Variants in SLC22A15 observed in about 807,000 individuals in gnomAD.
The protein encoded by SLC22A15 is flipt 1.
In SLC22A15, 45 loss-of-function variants were observed where a neutral mutation model predicts 62.7. That is an observed-to-expected ratio of 0.72 (90% CI 0.56 to 0.92). The LOEUF (loss-of-function observed/expected upper bound fraction) is 0.92. Ranked by LOEUF, SLC22A15 falls within the 40% of genes least tolerant of loss-of-function variation. The pLI is 0.00. For missense variants in SLC22A15, 622 were observed against 665.6 expected (o/e 0.93, Z 0.72); for synonymous variants, 264 against 267.0 (o/e 0.99, Z 0.11).
intron 10 of SLC22A15, among the ~76,000 whole-genome samples, chr1:116,065,509 T>C (rs1349484480): frequency 2.0e-5 from 3 of 152,198 alleles, no homozygotes; most frequent in Admixed American, 2.0e-4. Flanking sequence ...AGGGAAAGTG[T>C]GTGTTCCCCT....
Position 116,062,860 on chromosome 1 carries a change from G to C in SLC22A15, c.1270G>C (p.Glu424Gln). ...TAACATTGTTTATATCTACACCTCT[G>C]AGCTTTACCCTACAGTCATCAGGTA... ...AFNIVYIYTS[E>Q]LYPTVIRNVG... Residue 424 changes from glutamate to glutamine, a missense_variant, in exon 9 of 12, where the codon GAG becomes CAG. By Grantham distance (29) the Glu-to-Gln change is conservative. Transcript: ENST00000369503. 6.2e-7 allele frequency: 1 copy of C among 1,613,762 alleles called. No individual in the cohort carries two copies. The highest frequency in any genetic ancestry group is 8.5e-7 in the Non-Finnish European group (1 of 1,179,742).
chr1:116,027,966 A>G (rs1657185497), intron 5 of SLC22A15, among the ~76,000 whole-genome samples: 1 of 152,226 alleles, frequency 6.6e-6, no homozygotes, highest in African/African-American at 2.4e-5. Context: ...CTTCCCTGAG[A>G]TATCAGATCT....
At chr1:116,039,949 A>G (rs1657736818) in intron 8 of SLC22A15, among the ~76,000 whole-genome samples, 1 of 152,166 alleles carries the variant, frequency 6.6e-6, no homozygotes, top group Non-Finnish European at 1.5e-5. Context: ...ATTCTGTAGC[A>G]TCTTGTGTTA....
chr1:116,012,391 G>T (rs951300294), intron 2 of SLC22A15, among the ~76,000 whole-genome samples: 2 of 149,004 alleles, frequency 1.3e-5, no homozygotes, highest in African/African-American at 4.9e-5. Flanking sequence ...GATTAGCCTG[G>T]GCAACAAAAT....
At chr1:116,049,008 C>T (rs1383201609) in intron 8 of SLC22A15, among the ~76,000 whole-genome samples, 1 of 152,268 alleles carries the variant, frequency 6.6e-6, no homozygotes, top group East Asian at 1.9e-4. Flanking sequence ...CAAAGAGGGA[C>T]ATTATATAAC....
chr1:116,062,311 C>T (rs532997995), intron 8 of SLC22A15, among the ~76,000 whole-genome samples: 1 of 152,308 alleles, frequency 6.6e-6, no homozygotes, highest in South Asian at 2.1e-4. Context: ...ATGCAAACTG[C>T]ATATAAGAGC....
At chr1:115,977,156 T>C (rs1358481258) in intron 1 of SLC22A15, among the ~76,000 whole-genome samples, 1 of 152,194 alleles carries the variant, frequency 6.6e-6, no homozygotes, top group Non-Finnish European at 1.5e-5. Context: ...GACAAAAGGT[T>C]GTGTCTAGGA....
chr1:116,028,556 A>G (rs749751630), intron 5 of SLC22A15, among the ~76,000 whole-genome samples: 12 of 106,374 alleles, frequency 1.1e-4, no homozygotes, highest in South Asian at 6.3e-4. Context: ...TTTAAAATAT[A>G]TAGTCTGAAC....
chr1:116,041,007 A>C (rs1657769577), intron 8 of SLC22A15, among the ~76,000 whole-genome samples: 1 of 152,230 alleles, frequency 6.6e-6, no homozygotes, highest in South Asian at 2.1e-4. Context: ...TTTAGTGTGC[A>C]GGCCTGATAG....
intron 2 of SLC22A15, among the ~76,000 whole-genome samples, chr1:116,000,576 TTAACTA>T (rs1450543417): frequency 6.6e-6 from 1 of 151,974 alleles, no homozygotes; most frequent in African/African-American, 2.4e-5. Flanking sequence ...GTCTGTGTAC[TTAACTA>T]TAACTAGTGA....
chr1:116,025,519 G>A (rs964248528), intron 4 of SLC22A15, among the ~76,000 whole-genome samples: 1 of 152,150 alleles, frequency 6.6e-6, no homozygotes, highest in Non-Finnish European at 1.5e-5. Context: ...ATAAGCAATG[G>A]ATAGGAATCA....
intron 8 of SLC22A15, among the ~76,000 whole-genome samples, chr1:116,059,433 A>G (rs1467124917): frequency 6.6e-6 from 1 of 152,212 alleles, no homozygotes; most frequent in African/African-American, 2.4e-5. Context: ...CAGCTGATGA[A>G]TGGATAAACA....
intron 8 of SLC22A15, among the ~76,000 whole-genome samples, chr1:116,058,527 A>T (rs907129653): frequency 6.6e-6 from 1 of 152,312 alleles, no homozygotes; most frequent in South Asian, 2.1e-4. Flanking sequence ...GGGAATATAA[A>T]CTAGTACAGC....
In SLC22A15 at chr1:116,068,232, A is replaced by C. The variant is rs577256379; in HGVS notation, c.*1124A>C. On this transcript the variant is annotated 3_prime_UTR_variant, in exon 12 of 12. Transcript: ENST00000369503. ...TTTCCTAAAATCATGTCTTGAAAAC[A>C]TGTTTTCTCATGAAACTTGAATACT... is the stretch of plus-strand genomic sequence containing the variant. 19 of 152,754 alleles carry C rather than the reference A, an allele frequency of 1.2e-4. No homozygotes were observed. Among genetic ancestry groups the C allele is most frequent in the Admixed American group, 7.2e-4 (11 of 15,292 alleles). The allele number at this position is 152,754 out of a possible 1,614,324, so 9.5% of individuals were successfully genotyped here. A position where few individuals can be genotyped will look rare whatever the true frequency, so the allele number is the denominator to read the frequency against.
chr1:116,004,405 A>G (rs1361316693), intron 2 of SLC22A15, among the ~76,000 whole-genome samples: 1 of 152,146 alleles, frequency 6.6e-6, no homozygotes, highest in African/African-American at 2.4e-5. Flanking sequence ...GAGAATTTTT[A>G]TTATGAATGT....
chr1:115,991,101 G>T (rs1337031251), intron 1 of SLC22A15, among the ~76,000 whole-genome samples: 1 of 152,162 alleles, frequency 6.6e-6, no homozygotes, highest in Non-Finnish European at 1.5e-5. Flanking sequence ...TATTTAGATT[G>T]TCTTACTCTG....
At chr1:115,999,045 A>G (rs941244522) in intron 2 of SLC22A15, among the ~76,000 whole-genome samples, 3 of 152,162 alleles carry the variant, frequency 2.0e-5, no homozygotes, top group African/African-American at 7.2e-5. Context: ...CTGGTCATTC[A>G]GAAGCATATT....
intron 2 of SLC22A15, among the ~76,000 whole-genome samples, chr1:116,003,383 C>T (rs1339896663): frequency 6.6e-6 from 1 of 152,170 alleles, no homozygotes; most frequent in Non-Finnish European, 1.5e-5. Flanking sequence ...ACTCTGAGCC[C>T]AGCCCAGCAC....
Position 116,035,374 on chromosome 1 carries a change from C to T in SLC22A15, c.1085+47C>T, listed in dbSNP as rs549681625. 8.5e-6 allele frequency: 13 copies of T among 1,538,178 alleles called. No individual in the cohort carries two copies. The South Asian group carries it at 1.6e-4, about 19-fold the overall frequency. ...TGAAGTGCACCGTAGAGAATGCACA[C>T]ATACACATATGCCCTCTGATACACA... On this transcript the variant is annotated intron_variant, in intron 7 of 11. Transcript: ENST00000369503.
Sources: allele counts gnomAD v4.1 joint callset (sites outside exome capture counted in the v4.1 genomes callset), GRCh38; gene constraint gnomAD v4.1.1; transcripts MANE v1.5; gene names NCBI Gene and HGNC (gene_info 2026-07-23, HGNC 2026-07-21).